Variants in AKT3 observed in about 807,000 individuals in gnomAD.
AKT3 encodes AKT serine/threonine kinase 3, also known as RAC-gamma serine/threonine-protein kinase.
A neutral mutation model predicts 65.3 loss-of-function variants in AKT3; 15 were observed. The ratio of observed to expected loss-of-function variants is 0.23; its 90% CI spans 0.15 to 0.35. The LOEUF is 0.35. Ranked by LOEUF, AKT3 falls within the 10% of genes least tolerant of loss-of-function variation. The pLI is 1.00. For synonymous variants in AKT3, 206 were observed against 183.8 expected (o/e 1.12, Z -0.98); for missense variants, 243 against 576.5 (o/e 0.42, Z 5.92).
chr1:243,658,858 T>C (rs143421814), intron 4 of AKT3, among the ~76,000 whole-genome samples: 1 of 119,188 alleles, frequency 8.4e-6, no homozygotes, highest in South Asian at 2.8e-4. Context: ...AGAAACCTTG[T>C]CTCTACAAAA....
chr1:243,756,944 A>G (rs1689175742), intron 2 of AKT3, among the ~76,000 whole-genome samples: 1 of 152,244 alleles, frequency 6.6e-6, no homozygotes, highest in South Asian at 2.1e-4. Flanking sequence ...CCAAAAATGT[A>G]TAACCTACAT....
At chr1:243,515,638 A>T (rs1413942385) in intron 12 of AKT3, among the ~76,000 whole-genome samples, 2 of 152,230 alleles carry the variant, frequency 1.3e-5, no homozygotes, top group African/African-American at 4.8e-5. Flanking sequence ...GCTAAAATTA[A>T]ATTAAACATT....
At chr1:243,813,082 A>G (rs539557352) in intron 2 of AKT3, among the ~76,000 whole-genome samples, 14 of 151,866 alleles carry the variant, frequency 9.2e-5, no homozygotes, top group African/African-American at 3.1e-4. Context: ...AATGTAAATG[A>G]CGAGTTAATG....
intron 2 of AKT3, among the ~76,000 whole-genome samples, chr1:243,712,108 T>G (rs528303989): frequency 4.6e-5 from 7 of 152,308 alleles, no homozygotes; most frequent in African/African-American, 1.4e-4. Flanking sequence ...CCTCCAAACT[T>G]GGTAGGGATA....
chr1:243,653,462 T>C (rs529773404), intron 4 of AKT3, among the ~76,000 whole-genome samples: 19 of 152,152 alleles, frequency 1.2e-4, no homozygotes, highest in African/African-American at 3.6e-4. Context: ...TTCCAAACAA[T>C]AGAAAAAGAG....
chr1:243,697,808 C>G (rs1234579409), intron 2 of AKT3, among the ~76,000 whole-genome samples: 1 of 151,998 alleles, frequency 6.6e-6, no homozygotes, highest in Non-Finnish European at 1.5e-5. Context: ...TCAGTGACAG[C>G]ATATACTGTC....
At chr1:243,818,905 G>A (rs554412524) in intron 2 of AKT3, among the ~76,000 whole-genome samples, 12 of 152,264 alleles carry the variant, frequency 7.9e-5, no homozygotes, top group Admixed American at 3.3e-4. Context: ...TGGCCCACAT[G>A]GGAGCCACAA....
Position 243,583,475 on chromosome 1 carries a change from T to C in AKT3, c.697-10427A>G, listed in dbSNP as rs1346054987. On this transcript the variant is annotated intron_variant, in intron 8 of 13. Transcript: ENST00000673466. ...TACCCATCAGCCACAGAACATACAT[T>C]CTTCTCAGGTGCACATGGAACAATA... Among the ~76,000 whole-genome samples, 9 of 144,536 alleles carry C rather than the reference T, an allele frequency of 6.2e-5. No individual in the cohort carries two copies. In the East Asian group the frequency reaches 1.8e-3, roughly 29 times the overall value. The allele number at this position is 144,536 out of a possible 152,430, so 94.8% of individuals were successfully genotyped here.
chr1:243,585,772 C>T (rs1161830445), intron 8 of AKT3, among the ~76,000 whole-genome samples: 1 of 152,074 alleles, frequency 6.6e-6, no homozygotes, highest in Non-Finnish European at 1.5e-5. Context: ...CGTAAAACCT[C>T]AAACTATAAG....
intron 12 of AKT3, among the ~76,000 whole-genome samples, chr1:243,530,544 A>G (rs1453774273): frequency 6.6e-6 from 1 of 152,224 alleles, no homozygotes; most frequent in Non-Finnish European, 1.5e-5. Flanking sequence ...GGAAGTTTAT[A>G]GCACTAAACG....
intron 13 of AKT3, among the ~76,000 whole-genome samples, chr1:243,509,082 A>C (rs576658911): frequency 1.6e-4 from 24 of 152,274 alleles, no homozygotes; most frequent in Admixed American, 7.2e-4. Flanking sequence ...CTAGAAGTGA[A>C]CCTATTATCA....
intron 2 of AKT3, among the ~76,000 whole-genome samples, chr1:243,741,067 T>C (rs1036179253): frequency 3.3e-5 from 5 of 152,226 alleles, no homozygotes; most frequent in African/African-American, 4.8e-5. Flanking sequence ...GAAATTTATA[T>C]CATTAATGTT....
intron 6 of AKT3, among the ~76,000 whole-genome samples, chr1:243,632,032 C>A (rs1178044439): frequency 6.6e-6 from 1 of 152,180 alleles, no homozygotes; most frequent in Non-Finnish European, 1.5e-5. Flanking sequence ...CAACTTCTTA[C>A]ACACTCCTAT....
At chr1:243,606,308 G>A (rs910240647) in intron 8 of AKT3, among the ~76,000 whole-genome samples, 12 of 152,194 alleles carry the variant, frequency 7.9e-5, no homozygotes, top group Middle Eastern at 3.2e-3. Context: ...GAGAAAGTTT[G>A]GAACTTCCTA....
At chr1:243,566,674 A>C (rs1332402292) in intron 9 of AKT3, among the ~76,000 whole-genome samples, 1 of 152,192 alleles carries the variant, frequency 6.6e-6, no homozygotes, top group Non-Finnish European at 1.5e-5. Context: ...CATATTATTA[A>C]TTTCTACGTG....
intron 2 of AKT3, among the ~76,000 whole-genome samples, chr1:243,728,118 A>G (rs1687327634): frequency 6.6e-6 from 1 of 152,214 alleles, no homozygotes; most frequent in Admixed American, 6.5e-5. Flanking sequence ...GGAGAGCCTC[A>G]CCCTGGCAAA....
At chr1:243,849,154 C>T (rs964782635) in intron 1 of AKT3, among the ~76,000 whole-genome samples, 6 of 152,338 alleles carry the variant, frequency 3.9e-5, no homozygotes, top group Admixed American at 2.6e-4. Flanking sequence ...AGGGCCCCAC[C>T]GGCATCATGG....
At chr1:243,601,591 T>C (rs1677006474) in intron 8 of AKT3, among the ~76,000 whole-genome samples, 1 of 152,172 alleles carries the variant, frequency 6.6e-6, no homozygotes, top group Non-Finnish European at 1.5e-5. Context: ...TAAAAATATA[T>C]ATTCACACAC....
intron 10 of AKT3, among the ~76,000 whole-genome samples, chr1:243,563,217 G>T (rs908262563): frequency 3.3e-5 from 5 of 151,970 alleles, no homozygotes; most frequent in African/African-American, 1.2e-4. Context: ...AATTATTGTG[G>T]AACCCTTAGC....
Sources: allele counts gnomAD v4.1 joint callset (sites outside exome capture counted in the v4.1 genomes callset), GRCh38; gene constraint gnomAD v4.1.1; transcripts MANE v1.5; gene names NCBI Gene and HGNC (gene_info 2026-07-23, HGNC 2026-07-21).